The following PCDHA13 variants were observed in gnomAD, a reference collection of about 807,000 sequenced individuals.
PCDHA13 encodes protocadherin alpha-13.
PCDHA13 carries 54 observed loss-of-function variants against 64.8 expected under a neutral mutation model. The observed-to-expected ratio is 0.83, with a 90% CI of 0.67 to 1.04. The LOEUF (loss-of-function observed/expected upper bound fraction) is 1.04. Ranked by LOEUF, PCDHA13 falls within the 50% of genes least tolerant of loss-of-function variation. The probability of loss-of-function intolerance (pLI) is 0.00; values close to 1 mark genes in which losing one functional copy is unlikely to be tolerated. For missense variants in PCDHA13, 1,248 were observed against 1,254.3 expected (o/e 0.99, Z 0.08); for synonymous variants, 587 against 564.4 (o/e 1.04, Z -0.57).
intron 1 of PCDHA13, among the ~76,000 whole-genome samples, chr5:140,974,980 G>A (rs149148015): frequency 2.4e-4 from 36 of 152,208 alleles, no homozygotes; most frequent in Non-Finnish European, 5.0e-4. Context: ...TGAGTTGTCC[G>A]CTCAGGTATT....
At chr5:140,904,436 T>C (rs1554191522) in intron 1 of PCDHA13, among the ~76,000 whole-genome samples, 1 of 151,240 alleles carries the variant, frequency 6.6e-6, no homozygotes, top group Admixed American at 6.6e-5. Flanking sequence ...TATATATGTA[T>C]ATTACAATTT....
intron 1 of PCDHA13, chr5:140,927,497 T>A: frequency 6.2e-7 from 1 of 1,614,094 alleles, no homozygotes; most frequent in Non-Finnish European, 8.5e-7. Flanking sequence ...CACCTGCTGG[T>A]GCTTACAGCT....
intron 1 of PCDHA13, among the ~76,000 whole-genome samples, chr5:140,906,048 C>A (rs1482228569): frequency 1.3e-5 from 2 of 152,170 alleles, no homozygotes; most frequent in South Asian, 2.1e-4. Context: ...TTTATTCTGG[C>A]TGCACTGGCA....
At chr5:140,993,523 C>CAG (rs111789518) in intron 3 of PCDHA13, among the ~76,000 whole-genome samples, 24 of 145,748 alleles carry the variant, frequency 1.6e-4, no homozygotes, top group African/African-American at 5.0e-4. Flanking sequence ...GAGAGAGAGA[C>CAG]AGAGAGAGAG....
At chr5:140,919,816 A>T (rs542185810) in intron 1 of PCDHA13, among the ~76,000 whole-genome samples, 22 of 152,358 alleles carry the variant, frequency 1.4e-4, no homozygotes, top group African/African-American at 5.3e-4. Flanking sequence ...GGCCTCAAAA[A>T]TATATGTCCA....
At chr5:140,941,095 A>C (rs2092727620) in intron 1 of PCDHA13, among the ~76,000 whole-genome samples, 1 of 152,062 alleles carries the variant, frequency 6.6e-6, no homozygotes, top group South Asian at 2.1e-4. Flanking sequence ...TAGTTTTCAC[A>C]TACTATTACT....
intron 1 of PCDHA13, among the ~76,000 whole-genome samples, chr5:140,973,915 A>T (rs1401328396): frequency 2.0e-5 from 3 of 152,242 alleles, no homozygotes; most frequent in African/African-American, 7.2e-5. Context: ...CATTCCTGTC[A>T]CCAAACCCAG....
At chr5:140,972,750 G>A (rs2096554223) in intron 1 of PCDHA13, among the ~76,000 whole-genome samples, 2 of 143,042 alleles carry the variant, frequency 1.4e-5, no homozygotes, top group South Asian at 2.2e-4. Context: ...TGCAACCTCC[G>A]CCTCCCAAGT....
intron 1 of PCDHA13, among the ~76,000 whole-genome samples, chr5:140,892,640 T>C (rs1250881102): frequency 2.0e-5 from 3 of 152,208 alleles, no homozygotes; most frequent in Non-Finnish European, 4.4e-5. Flanking sequence ...ATTGTACATA[T>C]TTATAGGATA....
chr5:140,985,716 A>G (rs960879186), intron 3 of PCDHA13, among the ~76,000 whole-genome samples: 7 of 113,758 alleles, frequency 6.2e-5, no homozygotes, highest in Admixed American at 2.6e-4. Flanking sequence ...TCTTAAAGTT[A>G]TTTTTCCTTC....
Position 140,882,424 on chromosome 5 carries a change from G to C in PCDHA13, c.156G>C (p.Leu52=). Residue 52 remains leucine, a synonymous_variant, in exon 1 of 4, where the codon CTG becomes CTC. Transcript: ENST00000289272. ...GTFVGRIAQD[L]GLELAELVPR... ...TCGTGGGCCGCATCGCTCAGGACCT[G>C]GGGCTGGAGCTGGCGGAGCTGGTGC... 1 of 1,614,114 alleles carries C rather than the reference G, an allele frequency of 6.2e-7. No homozygotes were observed. The highest frequency in any genetic ancestry group is 8.5e-7 in the Non-Finnish European group (1 of 1,180,044).
Position 140,884,435 on chromosome 5 carries a change from T to C in PCDHA13, c.2167T>C (p.Cys723Arg), listed in dbSNP as rs1554181555. ...LTLLLYTALR[C>R]SAPPTEGACA... is the part of the protein sequence containing the mutation. ...GTTGCTGCTGTATACTGCGCTGCGGTGCTCGGCACCGCCCACCGAGGGCGC... is the reference window on the plus strand; with the variant it reads ...GTTGCTGCTGTATACTGCGCTGCGGCGCTCGGCACCGCCCACCGAGGGCGC... Residue 723 changes from cysteine (C) to arginine (R), a missense_variant, in exon 1 of 4, where the codon TGC becomes CGC. Cys to Arg is a radical substitution (Grantham distance 180, BLOSUM62 -3). Coordinates refer to ENST00000289272, the MANE Select transcript of PCDHA13 (RefSeq NM_018904.3). 1 of 1,613,872 alleles carries C rather than the reference T, an allele frequency of 6.2e-7. No individual in the cohort carries two copies. The highest frequency in any genetic ancestry group is 2.2e-5 in the East Asian group (1 of 44,866).
chr5:140,951,210 G>C (rs541010152), intron 1 of PCDHA13, among the ~76,000 whole-genome samples: 4 of 151,862 alleles, frequency 2.6e-5, no homozygotes, highest in African/African-American at 9.7e-5. Flanking sequence ...TGTCATCTCA[G>C]GTTTGGATTC....
intron 1 of PCDHA13, among the ~76,000 whole-genome samples, chr5:140,923,098 A>C (rs1003952878): frequency 5.9e-5 from 9 of 152,184 alleles, no homozygotes; most frequent in Non-Finnish European, 1.0e-4. Context: ...GACCAATGGG[A>C]GTATGATTTT....
intron 1 of PCDHA13, among the ~76,000 whole-genome samples, chr5:140,924,152 C>T (rs1163487854): frequency 6.6e-6 from 1 of 152,176 alleles, no homozygotes; most frequent in African/African-American, 2.4e-5. Context: ...TGAAGAAATG[C>T]ACATCCTAAT....
chr5:141,003,457 G>A (rs769049189), intron 3 of PCDHA13, among the ~76,000 whole-genome samples: 1 of 152,136 alleles, frequency 6.6e-6, no homozygotes, highest in Non-Finnish European at 1.5e-5. Flanking sequence ...AATTACAGGC[G>A]TGCACCACCA....
At chr5:141,000,415 A>AT (rs1563651650) in intron 3 of PCDHA13, among the ~76,000 whole-genome samples, 6 of 87,394 alleles carry the variant, frequency 6.9e-5, no homozygotes, top group African/African-American at 1.5e-4. Flanking sequence ...ATATATATAT[A>AT]TATATATTTT....
chr5:140,969,254 A>G (rs781854163), intron 1 of PCDHA13: 2 of 1,614,242 alleles, frequency 1.2e-6, no homozygotes, highest in Non-Finnish European at 1.7e-6. Context: ...GACTGACAGC[A>G]GGAATCTCAC....
At chr5:140,992,643 A>C (rs1215653539) in intron 3 of PCDHA13, among the ~76,000 whole-genome samples, 1 of 152,148 alleles carries the variant, frequency 6.6e-6, no homozygotes. Context: ...CCTGGAAAAT[A>C]GAAGAAAGAG....
Sources: gnomAD v4.1 joint callset for allele counts (sites outside exome capture counted in the v4.1 genomes callset) on GRCh38, gnomAD v4.1.1 for gene constraint, MANE v1.5 for transcripts, NCBI Gene and HGNC (gene_info 2026-07-23, HGNC 2026-07-21) for gene names.